Variants in MESP1 observed in about 807,000 individuals in gnomAD.
MESP1 encodes the protein mesoderm posterior protein 1.
Under a neutral mutation model 15.2 loss-of-function variants are expected in MESP1, and 22 were observed. The observed-to-expected ratio is 1.45, with a 90% CI of 1.04 to 2.07. The LOEUF (loss-of-function observed/expected upper bound fraction) is 2.07. MESP1 is among the 30% of genes most tolerant of loss of function. The pLI is 0.00. For missense variants in MESP1, 484 were observed against 411.9 expected (o/e 1.17, Z -1.51); for synonymous variants, 216 against 192.6 (o/e 1.12, Z -1.01).
Position 89,750,702 on chromosome 15 carries a change from C to A in MESP1, c.530G>T (p.Arg177Leu), listed in dbSNP as rs1395994460. ...PDDCPAQMQT[R>L]TQAEGQGQGR... ...CTGCCCCTGCCCCTCAGCCTGCGTC[C>A]GTGTCTGCATCTGCGCGGGGCAGTC... is the stretch of plus-strand genomic sequence containing the variant. Residue 177 changes from arginine to leucine, a missense_variant, in exon 1 of 2, where the codon CGG becomes CTG. Transcript: ENST00000300057. 4 of 1,376,926 alleles carry A rather than the reference C, an allele frequency of 2.9e-6. No homozygotes were observed. The highest frequency in any genetic ancestry group is 1.7e-5 in the South Asian group (1 of 58,878). The allele number at this position is 1,376,926 out of a possible 1,614,324, so 85.3% of individuals were successfully genotyped here. A position where few individuals can be genotyped will look rare whatever the true frequency, so the allele number is the denominator to read the frequency against.
At chr15:89,735,606 G>A in the MESP1 span, 2 of 1,553,864 alleles carry the variant, frequency 1.3e-6, no homozygotes, top group South Asian at 2.2e-5. Context: ...TTTCTCTTCT[G>A]TGAATGTGTT....
the MESP1 span, among the ~76,000 whole-genome samples, chr15:89,734,350 A>G: frequency 1.3e-5 from 2 of 152,126 alleles, no homozygotes; most frequent in African/African-American, 4.8e-5. Flanking sequence ...AGATAGCTTC[A>G]CTCACACACC....
intron 1 of MESP1, 41 bp downstream of exon 1, chr15:89,750,468 G>A (rs984434495): frequency 1.2e-5 from 18 of 1,474,260 alleles, no homozygotes; most frequent in Admixed American, 2.4e-5. Context: ...GGCTGTGCGC[G>A]GGGGCACGGA....
At chr15:89,744,104 C>A in the MESP1 span, among the ~76,000 whole-genome samples, 2 of 152,322 alleles carry the variant, frequency 1.3e-5, no homozygotes, top group African/African-American at 4.8e-5. Context: ...CTGTGTGGAA[C>A]CTTGGAGGCT....
the MESP1 span, among the ~76,000 whole-genome samples, chr15:89,742,330 C>G: frequency 6.6e-6 from 1 of 152,046 alleles, no homozygotes; most frequent in East Asian, 1.9e-4. Flanking sequence ...TTGTCTTTCT[C>G]CCCCAGAGTA....
chr15:89,738,801 A>G, the MESP1 span, among the ~76,000 whole-genome samples: 1 of 151,824 alleles, frequency 6.6e-6, no homozygotes, highest in Non-Finnish European at 1.5e-5. Context: ...CATCTTTTTA[A>G]CTTTCTCAAT....
the MESP1 span, chr15:89,743,296 C>T: frequency 9.9e-6 from 16 of 1,614,136 alleles, no homozygotes; most frequent in East Asian, 2.2e-5. Context: ...CCTCAGCTAT[C>T]GGAAGCTGGA....
chr15:89,747,553 T>G (rs573967500), downstream of MESP1, among the ~76,000 whole-genome samples: 28 of 152,336 alleles, frequency 1.8e-4, no homozygotes, highest in African/African-American at 6.0e-4. Flanking sequence ...ACGTGGGGCC[T>G]GGCCCAGACC....
intron 1 of MESP1, 45 bp from the exon 2 acceptor site, chr15:89,750,272 C>G: frequency 6.2e-7 from 1 of 1,607,500 alleles, no homozygotes; most frequent in Non-Finnish European, 8.5e-7. Flanking sequence ...CACTGGTGGC[C>G]TTGTGCGGGT....
chr15:89,741,784 G>A, the MESP1 span, among the ~76,000 whole-genome samples: 8 of 150,634 alleles, frequency 5.3e-5, no homozygotes, highest in African/African-American at 1.7e-4. Context: ...ATGGAGTCTC[G>A]CTCTGTCGCC....
In MESP1 at chr15:89,750,629, C is replaced by T; in HGVS notation, c.603G>A (p.Trp201Ter). ...LVSAVRAGAS[W>*]GSPPACPGAR... ...CTCCGGGGCAGGCAGGCGGGGATCC[C>T]CAGGACGCCCCGGCGCGGACGGCGG... Residue 201 changes from tryptophan to a stop codon, truncating the protein, a stop_gained, in exon 1 of 2, where the codon TGG becomes TGA. Coordinates refer to ENST00000300057, the MANE Select transcript of MESP1 (RefSeq NM_018670.4). LOFTEE classifies it high-confidence loss of function. The T allele has an allele frequency of 1.4e-6, 2 of 1,380,398 alleles. No individual in the cohort carries two copies. The highest frequency in any genetic ancestry group is 9.3e-7 in the Non-Finnish European group (1 of 1,075,928). The allele number at this position is 1,380,398 out of a possible 1,614,324, so 85.5% of individuals were successfully genotyped here.
the MESP1 span, chr15:89,737,980 C>T: frequency 6.5e-7 from 1 of 1,529,452 alleles, no homozygotes. Flanking sequence ...CTCACCTGGA[C>T]CACAGAGCCC....
At chr15:89,743,912 C>G in the MESP1 span, among the ~76,000 whole-genome samples, 3 of 152,142 alleles carry the variant, frequency 2.0e-5, no homozygotes, top group Non-Finnish European at 1.5e-5. Context: ...CACACAGGTA[C>G]GAGAGGCAGA....
At chr15:89,735,038 T>C in the MESP1 span, among the ~76,000 whole-genome samples, 1 of 150,030 alleles carries the variant, frequency 6.7e-6, no homozygotes, top group Non-Finnish European at 1.5e-5. Flanking sequence ...CTTTCCTTTC[T>C]TTCTTTCTGT....
At chr15:89,747,642 G>T (rs528357925), downstream of MESP1, among the ~76,000 whole-genome samples, 7 of 152,326 alleles carry the variant, frequency 4.6e-5, no homozygotes, top group South Asian at 1.2e-3. Flanking sequence ...GAGACAAGCT[G>T]GTGTTCAGCC....
rs1476229583 is a variant in MESP1, at chr15:89,750,719, G to A, written c.513C>T (p.Pro171=). ...CCTGCGTCCGTGTCTGCATCTGCGCGGGGCAGTCGTCGGGGCACAGCGGGC... is the reference window on the plus strand; with the variant it reads ...CCTGCGTCCGTGTCTGCATCTGCGCAGGGCAGTCGTCGGGGCACAGCGGGC... ...RGCPLCPDDC[P]AQMQTRTQAE... is the part of the protein sequence containing the mutation. The change falls in exon 1 of 2, where the codon CCC becomes CCT. Residue 171 remains proline (P), a synonymous_variant. Transcript: ENST00000300057. 4 of 1,396,214 alleles carry A rather than the reference G, an allele frequency of 2.9e-6. No homozygotes were observed. Among genetic ancestry groups the A allele is most frequent in the African/African-American group, 1.5e-5 (1 of 66,958 alleles). The allele number at this position is 1,396,214 out of a possible 1,614,324, so 86.5% of individuals were successfully genotyped here. A position where few individuals can be genotyped will look rare whatever the true frequency, so the allele number is the denominator to read the frequency against.
the MESP1 span, chr15:89,733,100 G>C: frequency 2.5e-6 from 4 of 1,614,086 alleles, no homozygotes; most frequent in African/African-American, 5.3e-5. Flanking sequence ...GACAGAATAT[G>C]TATCCTGAAG....
the MESP1 span, among the ~76,000 whole-genome samples, chr15:89,732,535 G>T: frequency 6.6e-6 from 1 of 152,236 alleles, no homozygotes; most frequent in South Asian, 2.1e-4. Flanking sequence ...AAGGAAAGAA[G>T]AATGATGATG....
chr15:89,750,310 G>A, intron 1 of MESP1, 83 bp from the exon 2 acceptor site: 1 of 1,582,640 alleles, frequency 6.3e-7, no homozygotes, highest in Non-Finnish European at 8.6e-7. Context: ...CCACTCTCAG[G>A]GGGCCCCTAG....
Sources: gnomAD v4.1 joint callset for allele counts (sites outside exome capture counted in the v4.1 genomes callset) on GRCh38, gnomAD v4.1.1 for gene constraint, MANE v1.5 for transcripts, NCBI Gene and HGNC (gene_info 2026-07-23, HGNC 2026-07-21) for gene names.